The following SLC49A4 variants were observed in gnomAD, a reference collection of about 807,000 sequenced individuals.
The protein encoded by SLC49A4 is disrupted in renal cancer protein 2.
Under a neutral mutation model 50.6 loss-of-function variants are expected in SLC49A4, and 36 were observed. The ratio of observed to expected loss-of-function variants is 0.71; its 90% CI spans 0.55 to 0.94. The LOEUF (loss-of-function observed/expected upper bound fraction) is 0.94, where lower values mean the gene tolerates loss of function less well. Among genes scored for constraint, SLC49A4 ranks in the 40% least tolerant of loss-of-function variants. The pLI is 0.00. For synonymous variants in SLC49A4, 248 were observed against 241.2 expected (o/e 1.03, Z -0.26); for missense variants, 503 against 605.7 (o/e 0.83, Z 1.78).
chr3:122,836,352 A>G (rs1015950157), intron 4 of SLC49A4, among the ~76,000 whole-genome samples: 11 of 152,164 alleles, frequency 7.2e-5, no homozygotes, highest in Middle Eastern at 6.8e-3. Flanking sequence ...AGCCCACTTG[A>G]TCATGGTGGA....
intron 2 of SLC49A4, among the ~76,000 whole-genome samples, chr3:122,813,526 C>T (rs945295637): frequency 1.3e-5 from 2 of 152,152 alleles, no homozygotes; most frequent in Non-Finnish European, 2.9e-5. Flanking sequence ...TCCTCTCTCT[C>T]CCTCCTGTAT....
chr3:122,804,512 T>C (rs989132817), intron 1 of SLC49A4, among the ~76,000 whole-genome samples: 1 of 152,246 alleles, frequency 6.6e-6, no homozygotes, highest in Non-Finnish European at 1.5e-5. Context: ...TATAGAGTTA[T>C]GCCTTGTCAG....
At chr3:122,865,055 G>C (rs927743909) in intron 7 of SLC49A4, among the ~76,000 whole-genome samples, 1 of 152,128 alleles carries the variant, frequency 6.6e-6, no homozygotes, top group African/African-American at 2.4e-5. Flanking sequence ...AGGCTAGAGA[G>C]TAATCCTCTT....
At chr3:122,850,536 C>CTG (rs1936913089) in intron 5 of SLC49A4, among the ~76,000 whole-genome samples, 1 of 149,836 alleles carries the variant, frequency 6.7e-6, no homozygotes. Flanking sequence ...GAGACAGCAT[C>CTG]TTGATCTGTT....
chr3:122,835,204 A>AT (rs1309609265), intron 4 of SLC49A4, among the ~76,000 whole-genome samples: 2 of 152,192 alleles, frequency 1.3e-5, no homozygotes, highest in Admixed American at 1.3e-4. Flanking sequence ...TCCCTAACTC[A>AT]TTTTATGAAG....
chr3:122,838,454 G>A (rs1329200058), intron 4 of SLC49A4, among the ~76,000 whole-genome samples: 1 of 149,528 alleles, frequency 6.7e-6, no homozygotes, highest in African/African-American at 2.5e-5. Context: ...ACTGTCACAA[G>A]GACAAAAAAC....
intron 4 of SLC49A4, among the ~76,000 whole-genome samples, chr3:122,838,486 CAT>C (rs1936723017): frequency 7.0e-6 from 1 of 142,972 alleles, no homozygotes; most frequent in Non-Finnish European, 1.5e-5. Context: ...TGTTCTCACT[CAT>C]AGGTGGGAAT....
At chr3:122,814,017 T>A (rs948662279) in intron 2 of SLC49A4, among the ~76,000 whole-genome samples, 3 of 152,338 alleles carry the variant, frequency 2.0e-5, no homozygotes, top group African/African-American at 7.2e-5. Context: ...ACACCTGTAA[T>A]CACAGCAGTT....
chr3:122,814,682 C>A (rs1309756649), intron 2 of SLC49A4, among the ~76,000 whole-genome samples: 2 of 152,214 alleles, frequency 1.3e-5, no homozygotes, highest in African/African-American at 2.4e-5. Context: ...CTTGTCCAAT[C>A]TGTGGCATGC....
chr3:122,819,012 C>T (rs1005230386), intron 2 of SLC49A4, among the ~76,000 whole-genome samples: 2 of 151,058 alleles, frequency 1.3e-5, no homozygotes, highest in African/African-American at 4.9e-5. Flanking sequence ...CTAGCACTTT[C>T]GGAGGCCAAG....
intron 3 of SLC49A4, among the ~76,000 whole-genome samples, chr3:122,828,917 A>G (rs1042474506): frequency 2.0e-5 from 3 of 152,192 alleles, no homozygotes; most frequent in Non-Finnish European, 2.9e-5. Context: ...AGCATATATT[A>G]ATGCAGTACA....
At position 122,810,227 on chromosome 3, in the gene SLC49A4, G is replaced by A. The variant is rs182075421; in HGVS notation, c.437+3277G>A. On this transcript the variant is annotated intron_variant, in intron 2 of 8. Transcript: ENST00000261038. ...ATTCTGACAAGCTCTTCCTAATGGT[G>A]TTCTACTTATATATAGTATCAGTAT... is the stretch of plus-strand genomic sequence containing the variant. 1.5e-3 allele frequency among the ~76,000 whole-genome samples: 228 copies of A among 152,188 alleles called. 2 individuals carry two copies. Among genetic ancestry groups the A allele is most frequent in the African/African-American group, 5.3e-3 (218 of 41,522 alleles).
chr3:122,839,273 C>A (rs571184001), intron 4 of SLC49A4, among the ~76,000 whole-genome samples: 10 of 152,226 alleles, frequency 6.6e-5, no homozygotes, highest in Middle Eastern at 3.4e-3. Context: ...AATATAAGAT[C>A]TGAAACCATA....
At chr3:122,857,260 G>T (rs1937000499) in intron 6 of SLC49A4, among the ~76,000 whole-genome samples, 1 of 108,212 alleles carries the variant, frequency 9.2e-6, no homozygotes, top group African/African-American at 3.5e-5. Context: ...TGAGTCAGAA[G>T]TAGGAAAAAG....
At chr3:122,795,870 ATGAC>A (rs1437742857) in intron 1 of SLC49A4, among the ~76,000 whole-genome samples, 2 of 152,232 alleles carry the variant, frequency 1.3e-5, no homozygotes, top group Non-Finnish European at 2.9e-5. Flanking sequence ...CCTGACAAAA[ATGAC>A]TGATGCTTTG....
intron 1 of SLC49A4, among the ~76,000 whole-genome samples, chr3:122,799,553 T>TA (rs1936101049): frequency 6.6e-6 from 1 of 152,146 alleles, no homozygotes; most frequent in South Asian, 2.1e-4. Flanking sequence ...CAGGGCCCTG[T>TA]AAATCATTCT....
At chr3:122,833,540 C>A in intron 4 of SLC49A4, 94 bp downstream of exon 4, 1 of 1,220,320 alleles carries the variant, frequency 8.2e-7, no homozygotes. Context: ...AATTTTTCAG[C>A]AACCTATTAA....
In SLC49A4 at chr3:122,795,489, C is replaced by T. The variant is rs780545407; in HGVS notation, c.297C>T (p.Ile99=). Residue 99 remains isoleucine (I), a synonymous_variant, in exon 1 of 9, where the codon ATC becomes ATT. Transcript: ENST00000261038. The part of the protein sequence containing the change: ...DIALLVLWGP[I]GFLPCFAFMW... ...CGCTGCTCGTGCTGTGGGGGCCCAT[C>T]GGCTTCCTGCCCTGCTTCGCGTTCA... 8.1e-6 allele frequency: 13 copies of T among 1,604,598 alleles called. No homozygotes were observed. The highest frequency in any genetic ancestry group is 2.7e-5 in the African/African-American group (2 of 74,738).
chr3:122,796,391 A>G (rs1425135029), intron 1 of SLC49A4, among the ~76,000 whole-genome samples: 2 of 152,202 alleles, frequency 1.3e-5, no homozygotes, highest in Non-Finnish European at 2.9e-5. Flanking sequence ...TGAGTTCTTT[A>G]GTCAGATTTG....
Sources: allele counts gnomAD v4.1 joint callset (sites outside exome capture counted in the v4.1 genomes callset), GRCh38; gene constraint gnomAD v4.1.1; transcripts MANE v1.5; gene names NCBI Gene and HGNC (gene_info 2026-07-23, HGNC 2026-07-21).